Variants in KIAA1217 observed in about 807,000 individuals in gnomAD.
KIAA1217 encodes sickle tail protein homolog.
Under a neutral mutation model 163.9 loss-of-function variants are expected in KIAA1217, and 88 were observed. The ratio of observed to expected loss-of-function variants is 0.54; its 90% CI spans 0.45 to 0.64. The LOEUF (loss-of-function observed/expected upper bound fraction) is 0.64. Among genes scored for constraint, KIAA1217 ranks in the 30% least tolerant of loss-of-function variants. The pLI is 0.00. For missense variants in KIAA1217, 2,372 were observed against 2,475.0 expected (o/e 0.96, Z 0.88); for synonymous variants, 903 against 923.1 (o/e 0.98, Z 0.39).
intron 10 of KIAA1217, among the ~76,000 whole-genome samples, chr10:24,515,091 G>C (rs188335283): frequency 2.8e-4 from 42 of 151,810 alleles, no homozygotes; most frequent in Non-Finnish European, 5.4e-4. Flanking sequence ...TTTTGAGTTG[G>C]AGTCTTGCTC....
At chr10:24,255,211 A>G (rs2075013829) in intron 2 of KIAA1217, 1 of 215,864 alleles carries the variant, frequency 4.6e-6, no homozygotes, top group Non-Finnish European at 9.4e-6. Flanking sequence ...AGTGAGAACT[A>G]CGGAAAAGAG....
At chr10:24,333,848 A>G (rs1257787610) in intron 2 of KIAA1217, among the ~76,000 whole-genome samples, 1 of 152,216 alleles carries the variant, frequency 6.6e-6, no homozygotes, top group Non-Finnish European at 1.5e-5. Context: ...TTCAGTGTGG[A>G]AAAATGTTGA....
At chr10:23,769,880 G>C (rs1014182523) in intron 1 of KIAA1217, among the ~76,000 whole-genome samples, 2 of 152,156 alleles carry the variant, frequency 1.3e-5, no homozygotes, top group African/African-American at 4.8e-5. Context: ...AATGATCTGA[G>C]AGGTCAAGAG....
At chr10:23,745,840 T>C (rs946614636) in intron 1 of KIAA1217, among the ~76,000 whole-genome samples, 1 of 152,168 alleles carries the variant, frequency 6.6e-6, no homozygotes, top group African/African-American at 2.4e-5. Flanking sequence ...GCAAATACAA[T>C]GAGCAATGAA....
chr10:23,927,433 G>A (rs192172757), intron 1 of KIAA1217, among the ~76,000 whole-genome samples: 13 of 151,784 alleles, frequency 8.6e-5, no homozygotes, highest in Non-Finnish European at 1.5e-4. Context: ...AAAGTGTAAC[G>A]TGAAAATATT....
chr10:23,925,505 G>A (rs1210660588), intron 1 of KIAA1217, among the ~76,000 whole-genome samples: 3 of 152,206 alleles, frequency 2.0e-5, no homozygotes, highest in Non-Finnish European at 4.4e-5. Context: ...GACTGTCGCT[G>A]GACTTTTCCA....
intron 2 of KIAA1217, among the ~76,000 whole-genome samples, chr10:24,244,804 A>G (rs1248793117): frequency 6.6e-6 from 1 of 151,662 alleles, no homozygotes; most frequent in Non-Finnish European, 1.5e-5. Context: ...GCCTCAAGTG[A>G]TCCGCCTGCC....
intron 1 of KIAA1217, among the ~76,000 whole-genome samples, chr10:23,861,438 G>C (rs1466735588): frequency 6.6e-6 from 1 of 152,162 alleles, no homozygotes; most frequent in Non-Finnish European, 1.5e-5. Context: ...TGGGAGCTGT[G>C]AATATGTTAC....
At chr10:23,927,773 C>T (rs1008178731) in intron 1 of KIAA1217, among the ~76,000 whole-genome samples, 5 of 152,154 alleles carry the variant, frequency 3.3e-5, no homozygotes, top group Admixed American at 1.3e-4. Flanking sequence ...CCCATATAAA[C>T]AGATGTGCTA....
chr10:24,527,674 C>T (rs1214258545), intron 13 of KIAA1217, among the ~76,000 whole-genome samples: 1 of 152,004 alleles, frequency 6.6e-6, no homozygotes, highest in Non-Finnish European at 1.5e-5. Context: ...TAAAAAAATA[C>T]ATCTTGGTAG....
At chr10:24,380,810 A>C (rs781165660) in intron 2 of KIAA1217, 59 bp from the exon 3 acceptor site, 8 of 1,277,886 alleles carry the variant, frequency 6.3e-6, no homozygotes, top group Non-Finnish European at 7.4e-6. Context: ...CATTGGACAT[A>C]TTTTCCACAC....
chr10:24,293,562 GC>G (rs35475057), intron 2 of KIAA1217, among the ~76,000 whole-genome samples: 60,053 of 151,974 alleles, frequency 0.4, 12,532 homozygotes, highest in Non-Finnish European at 0.47. Context: ...GTTGGGCTTG[GC>G]AGCCGTCAGG....
intron 1 of KIAA1217, among the ~76,000 whole-genome samples, chr10:23,719,885 G>A (rs1311981717): frequency 1.3e-5 from 2 of 152,120 alleles, no homozygotes; most frequent in African/African-American, 4.8e-5. Context: ...CTGCACTCCA[G>A]CCTGGCAAGA....
At chr10:24,440,800 G>T (rs928278733) in intron 5 of KIAA1217, among the ~76,000 whole-genome samples, 1 of 152,202 alleles carries the variant, frequency 6.6e-6, no homozygotes, top group African/African-American at 2.4e-5. Context: ...GTGTTTCAAT[G>T]CAGATTACTT....
At chr10:24,161,780 C>T (rs559746033) in intron 2 of KIAA1217, among the ~76,000 whole-genome samples, 12 of 152,208 alleles carry the variant, frequency 7.9e-5, no homozygotes, top group Non-Finnish European at 1.2e-4. Context: ...TTTGATTGTC[C>T]GTTATCTTTG....
chr10:23,931,400 CT>C (rs1318491550), intron 1 of KIAA1217, among the ~76,000 whole-genome samples: 1 of 152,188 alleles, frequency 6.6e-6, no homozygotes, highest in African/African-American at 2.4e-5. Flanking sequence ...CCCTTCACCC[CT>C]GTACCTAAAT....
chr10:24,155,094 C>G (rs566235113), intron 2 of KIAA1217, among the ~76,000 whole-genome samples: 1 of 152,162 alleles, frequency 6.6e-6, no homozygotes, highest in African/African-American at 2.4e-5. Context: ...GTACTTAAGG[C>G]ACTGCACTGT....
At position 23,965,391 on chromosome 10, in the gene KIAA1217, G is replaced by A. The variant is rs747783315; in HGVS notation, c.-320-41834G>A. Among the ~76,000 whole-genome samples, 5 of 152,196 alleles carry A rather than the reference G, an allele frequency of 3.3e-5. No homozygotes were observed. In the East Asian group the frequency reaches 5.8e-4, roughly 18 times the overall value. Reference sequence around the variant, plus strand: ...TATAAGGCCTCTTGTTCCTGGGGCCGTCAACGGCAGCAGAATAGAAGGCAG... The same window carrying A: ...TATAAGGCCTCTTGTTCCTGGGGCCATCAACGGCAGCAGAATAGAAGGCAG... On this transcript the variant is annotated intron_variant, in intron 1 of 18. Coordinates refer to the KIAA1217 transcript ENST00000376462.
chr10:24,437,647 A>T (rs2060151332), intron 4 of KIAA1217, among the ~76,000 whole-genome samples: 1 of 152,150 alleles, frequency 6.6e-6, no homozygotes, highest in Non-Finnish European at 1.5e-5. Flanking sequence ...CGATAATTTT[A>T]AGGTAGGCTC....
Sources: allele counts gnomAD v4.1 joint callset (sites outside exome capture counted in the v4.1 genomes callset), GRCh38; gene constraint gnomAD v4.1.1; transcripts MANE v1.5; gene names NCBI Gene and HGNC (gene_info 2026-07-23, HGNC 2026-07-21).